The following SRPX variants were observed in gnomAD, a reference collection of about 807,000 sequenced individuals.
SRPX encodes sushi repeat containing protein X-linked.
SRPX carries 24 observed loss-of-function variants against 38.1 expected under a neutral mutation model. The observed-to-expected ratio is 0.63, with a 90% confidence interval of 0.46 to 0.89. The LOEUF is 0.89. Ranked by LOEUF, SRPX falls within the 40% of genes least tolerant of loss-of-function variation. The pLI, the probability that SRPX is intolerant of heterozygous loss-of-function variation, is 0.00. For synonymous variants in SRPX, 184 were observed against 153.8 expected (o/e 1.20, Z -1.45); for missense variants, 416 against 377.8 (o/e 1.10, Z -0.84).
chrX:38,182,025 AT>A (rs764755869), intron 1 of SRPX, among the ~76,000 whole-genome samples: 124 of 112,316 alleles, frequency 1.1e-3, no homozygotes, highest in African/African-American at 3.8e-3. Context: ...GTGCAATTGA[AT>A]TCACATGGGA....
At chrX:38,184,780 G>A (rs977169083) in intron 1 of SRPX, among the ~76,000 whole-genome samples, 14 of 111,772 alleles carry the variant, frequency 1.3e-4, no homozygotes, top group Non-Finnish European at 2.6e-4. Context: ...TGGGGAGAGA[G>A]AAGCAAATAT....
chrX:38,161,706 A>G (rs1786904536), intron 5 of SRPX, among the ~76,000 whole-genome samples: 1 of 111,841 alleles, frequency 8.9e-6, no homozygotes. Context: ...ACAACCCTAT[A>G]AGGTAGGTAG....
chrX:38,154,655 C>G (rs373185678), intron 8 of SRPX, 72 bp from the exon 9 acceptor site: 2 of 1,150,837 alleles, frequency 1.7e-6, no homozygotes, highest in East Asian at 6.2e-5. Flanking sequence ...AACTAGAAAC[C>G]GACAGAAGCA....
intron 9 of SRPX, 93 bp from the exon 10 acceptor site, chrX:38,149,987 G>A (rs1937981437): frequency 6.2e-6 from 5 of 807,174 alleles, no homozygotes; most frequent in Non-Finnish European, 8.5e-6. Context: ...ACAGTGTGCA[G>A]AGAAAGCTTT....
intron 9 of SRPX, 54 bp from the exon 10 acceptor site, chrX:38,149,948 C>T (rs1394534094): frequency 3.3e-5 from 35 of 1,045,100 alleles, no homozygotes; most frequent in Non-Finnish European, 4.5e-5. Context: ...TCCCAAGGGT[C>T]CTGGTGGATC....
intron 1 of SRPX, among the ~76,000 whole-genome samples, chrX:38,194,526 G>T (rs1160152601): frequency 8.9e-6 from 1 of 112,034 alleles, no homozygotes; most frequent in Non-Finnish European, 1.9e-5. Context: ...CAACTCCTAG[G>T]TACTTAGTCT....
At chrX:38,160,742 G>A (rs977691015) in intron 6 of SRPX, among the ~76,000 whole-genome samples, 191 bp downstream of exon 6, 1 of 111,023 alleles carries the variant, frequency 9.0e-6, no homozygotes, top group African/African-American at 3.3e-5. Context: ...CAACACTGAC[G>A]CCCATCCGGA....
Position 38,149,824 on chromosome X carries a change from G to A in SRPX, c.1282C>T (p.Arg428Cys), listed in dbSNP as rs775454692. 29 of 1,210,959 alleles carry A rather than the reference G, an allele frequency of 2.4e-5. No homozygotes were observed. The highest frequency in any genetic ancestry group is 5.9e-5 in the East Asian group (2 of 33,811). Reference protein sequence around the residue: ...LVDKHGMDKERYVSLVMPVAL... With the variant: ...LVDKHGMDKECYVSLVMPVAL... ...ACAGGCATCACCAGGGAGACATAGC[G>A]CTCTTTGTCCATGCCATGCTTATCC... is the stretch of plus-strand genomic sequence containing the variant. The change falls in exon 10 of 10, where the codon CGC (arginine) becomes TGC (cysteine). Residue 428 changes from arginine (R) to cysteine (C), a missense_variant. Coordinates refer to ENST00000378533, the MANE Select transcript of SRPX (RefSeq NM_006307.5).
At chrX:38,190,561 C>T (rs1178687350) in intron 1 of SRPX, among the ~76,000 whole-genome samples, 3 of 111,702 alleles carry the variant, frequency 2.7e-5, no homozygotes, top group Admixed American at 9.5e-5. Context: ...TTTCTCCATT[C>T]GGTGCCCTTG....
chrX:38,167,937 T>G (rs768522763), intron 4 of SRPX, among the ~76,000 whole-genome samples: 3 of 111,273 alleles, frequency 2.7e-5, no homozygotes, highest in Non-Finnish European at 5.7e-5. Context: ...ATTTTATTTA[T>G]TCATTTATTT....
At chrX:38,149,934 T>C (rs368075929) in intron 9 of SRPX, 40 bp from the exon 10 acceptor site, 2 of 1,128,883 alleles carry the variant, frequency 1.8e-6, no homozygotes, top group East Asian at 3.1e-5. Flanking sequence ...AGTCAAACCA[T>C]GACTCCCAAG....
Position 38,171,413 on chromosome X carries a change from C to T in SRPX, c.526+468G>A, listed in dbSNP as rs536987284. Reference sequence around the variant, plus strand: ...CCAGGACCACACCATGGGAACCACTCACTGCCCAACAAACCCAGAGTAAGG... The same window carrying T: ...CCAGGACCACACCATGGGAACCACTTACTGCCCAACAAACCCAGAGTAAGG... On this transcript the variant is annotated intron_variant, in intron 4 of 9. Coordinates refer to ENST00000378533, the MANE Select transcript of SRPX (RefSeq NM_006307.5). Among the ~76,000 whole-genome samples, 6 of 111,798 alleles carry T rather than the reference C, an allele frequency of 5.4e-5. No individual in the cohort carries two copies. The South Asian group carries it at 2.3e-3, about 42-fold the overall frequency.
intron 3 of SRPX, among the ~76,000 whole-genome samples, chrX:38,172,355 C>T (rs1016680266): frequency 8.9e-5 from 10 of 112,768 alleles, no homozygotes; most frequent in South Asian, 3.7e-4. Context: ...CGGGAGGCTA[C>T]GGCAGGAGGA....
At chrX:38,168,794 A>G (rs988018897) in intron 4 of SRPX, among the ~76,000 whole-genome samples, 1 of 111,932 alleles carries the variant, frequency 8.9e-6, no homozygotes, top group Non-Finnish European at 1.9e-5. Flanking sequence ...CCATACAAAA[A>G]TCCAGAGAAC....
intron 1 of SRPX, among the ~76,000 whole-genome samples, chrX:38,214,943 A>G (rs1271610165): frequency 8.9e-6 from 1 of 111,986 alleles, no homozygotes; most frequent in Non-Finnish European, 1.9e-5. Context: ...ATGGGGTGTA[A>G]TCAGCATTGA....
At chrX:38,213,331 G>A (rs762614402) in intron 1 of SRPX, among the ~76,000 whole-genome samples, 17 of 112,236 alleles carry the variant, frequency 1.5e-4, no homozygotes, top group Non-Finnish European at 3.0e-4. Flanking sequence ...GAATTGTACA[G>A]TTTAAATGAA....
At chrX:38,171,600 G>T (rs1260429129) in intron 4 of SRPX, among the ~76,000 whole-genome samples, 1 of 111,722 alleles carries the variant, frequency 9.0e-6, no homozygotes, top group Non-Finnish European at 1.9e-5. Context: ...ACTAAAATCA[G>T]CAGGAGTATG....
chrX:38,214,364 A>G (rs999384429), intron 1 of SRPX, among the ~76,000 whole-genome samples: 1 of 111,005 alleles, frequency 9.0e-6, no homozygotes, highest in Admixed American at 9.5e-5. Context: ...CTCCTGCAGA[A>G]ATCTAGATAA....
intron 1 of SRPX, among the ~76,000 whole-genome samples, chrX:38,183,801 T>G (rs1938716067): frequency 8.9e-6 from 1 of 111,966 alleles, no homozygotes; most frequent in Non-Finnish European, 1.9e-5. Flanking sequence ...CAGTGCTTCT[T>G]CCACACAAAT....
Sources: allele counts gnomAD v4.1 joint callset (sites outside exome capture counted in the v4.1 genomes callset), GRCh38; gene constraint gnomAD v4.1.1; transcripts MANE v1.5; gene names NCBI Gene and HGNC (gene_info 2026-07-23, HGNC 2026-07-21).